The following NKAIN4 variants were observed in gnomAD, a reference collection of about 807,000 sequenced individuals.
NKAIN4 encodes sodium/potassium transporting ATPase interacting 4.
In NKAIN4, 28 loss-of-function variants were observed where a neutral mutation model predicts 28.8. That is an observed-to-expected ratio of 0.97 (90% CI 0.72 to 1.33). The LOEUF is 1.33. Ranked by LOEUF, NKAIN4 falls within the 40% of genes most tolerant of loss-of-function variation. The probability of loss-of-function intolerance (pLI) is 0.00; values close to 1 mark genes in which losing one functional copy is unlikely to be tolerated. For synonymous variants in NKAIN4, 122 were observed against 115.6 expected (o/e 1.06, Z -0.36); for missense variants, 289 against 277.2 (o/e 1.04, Z -0.30).
At chr20:63,253,619 A>T (rs2295539) in intron 1 of NKAIN4, 328,411 of 641,812 alleles carry the variant, frequency 0.51, 86,698 homozygotes, top group African/African-American at 0.7. Context: ...CAGCCTGGAC[A>T]GGCGAGGCCT....
Position 63,249,961 on chromosome 20 carries a change from G to A in NKAIN4, c.166C>T (p.Gln56Ter), listed in dbSNP as rs765242676. 4 of 1,613,540 alleles carry A rather than the reference G, an allele frequency of 2.5e-6. No homozygotes were observed. The highest frequency in any genetic ancestry group is 3.4e-6 in the Non-Finnish European group (4 of 1,179,912). ...IVILGLFGTI[Q>*]YRLRYVMVYT... ...ACCATGACATAGCGCAGCCGGTACT[G>A]GATGGTGCCGAAGAGTCCCAGGATG... is the stretch of plus-strand genomic sequence containing the variant. Residue 56 changes from glutamine (Q) to a stop codon, truncating the protein, a stop_gained, in exon 2 of 7, where the codon CAG becomes TAG. Coordinates refer to ENST00000370316, the MANE Select transcript of NKAIN4 (RefSeq NM_152864.4). LOFTEE classifies it high-confidence loss of function.
chr20:63,247,754 T>A lies in NKAIN4; in HGVS notation c.295A>T (p.Ser99Cys). The stretch of plus-strand genomic sequence containing the variant: ...CACCAGGAGCGATGCCGGGAGAGGC[T>A]GAAGGTCAGTAGCTCGCTGTCCTAG... The part of the protein sequence containing the change: ...LLKDSELLTF[S>C]LSRHRSWWRE... Residue 99 changes from serine (S) to cysteine (C), a missense_variant, in exon 4 of 7, where the codon AGC (serine) becomes TGC (cysteine). Transcript: ENST00000370316. 6.8e-7 allele frequency: 1 copy of A among 1,471,580 alleles called. No individual in the cohort carries two copies. The allele number at this position is 1,471,580 out of a possible 1,614,324, so 91.2% of individuals were successfully genotyped here.
At chr20:63,243,999 C>T in intron 5 of NKAIN4, 25 bp downstream of exon 5, 19 of 1,603,558 alleles carry the variant, frequency 1.2e-5, no homozygotes, top group Non-Finnish European at 1.6e-5. Context: ...TCCCGCCCCA[C>T]TGCCTGCAGA....
At chr20:63,254,330 G>A (rs1249023879) in intron 1 of NKAIN4, 67 bp downstream of exon 1, 3 of 1,280,224 alleles carry the variant, frequency 2.3e-6, no homozygotes, top group East Asian at 3.1e-5. Context: ...GACGCTTCGG[G>A]ACCCCACAGC....
Position 63,241,290 on chromosome 20 carries a change from T to C in NKAIN4, c.*207A>G, listed in dbSNP as rs549298225. On this transcript the variant is annotated 3_prime_UTR_variant, in exon 7 of 7. Transcript: ENST00000370316. ...TTTTTTTTTTTTAAGAGAAAGGAAA[T>C]TACAAACTCTCTTGACGCTGCAGCC... is the stretch of plus-strand genomic sequence containing the variant. The C allele has an allele frequency of 2.4e-4, 134 of 548,870 alleles. 1 individual carries two copies. The East Asian group carries it at 3.7e-3, about 15-fold the overall frequency. The allele number at this position is 548,870 out of a possible 1,614,324, so 34.0% of individuals were successfully genotyped here.
chr20:63,247,554 G>C (rs947782695), intron 4 of NKAIN4, 24 bp downstream of exon 4: 3 of 1,540,560 alleles, frequency 1.9e-6, no homozygotes, highest in Admixed American at 2.0e-5. Flanking sequence ...ATCCCCACCC[G>C]GGGGCCCCCT....
Position 63,242,398 on chromosome 20 carries a change from AGT to A in NKAIN4, c.617+139_617+140del, listed in dbSNP as rs1464624635. The A allele has an allele frequency of 8.2e-5, 58 of 709,666 alleles. No homozygotes were observed. In the Admixed American group the frequency reaches 1.1e-3, roughly 14 times the overall value. The allele number at this position is 709,666 out of a possible 1,614,324, so 44.0% of individuals were successfully genotyped here. ...CCTGGCATGAAGCAGATGTTAGAAA[AGT>A]GAGAGTGGATGGATGGACGGATGGA... On this transcript the variant is annotated intron_variant, in intron 6 of 6. Transcript: ENST00000370316.
intron 1 of NKAIN4, among the ~76,000 whole-genome samples, chr20:63,251,362 C>A (rs61518438): frequency 0.022 from 3,409 of 152,216 alleles, 69 homozygotes; most frequent in Middle Eastern, 0.051. Flanking sequence ...TGCGGGCGGG[C>A]CTGACTGATG....
chr20:63,246,080 A>G (rs2066851101), intron 4 of NKAIN4, among the ~76,000 whole-genome samples: 1 of 152,022 alleles, frequency 6.6e-6, no homozygotes, highest in African/African-American at 2.4e-5. Context: ...GGCGCCCGCC[A>G]CCACGCCCGG....
intron 4 of NKAIN4, 25 bp from the exon 5 acceptor site, chr20:63,244,109 G>T: frequency 6.2e-7 from 1 of 1,605,792 alleles, no homozygotes; most frequent in Non-Finnish European, 8.5e-7. Context: ...AGGCAGGGGC[G>T]TGAGTGCGGC....
At chr20:63,251,332 C>T (rs6062865) in intron 1 of NKAIN4, among the ~76,000 whole-genome samples, 45,055 of 152,046 alleles carry the variant, frequency 0.3, 7,694 homozygotes, top group East Asian at 0.54. Context: ...CACAGGGAGA[C>T]GGTTAGGCCT....
At position 63,245,386 on chromosome 20, in the gene NKAIN4, C is replaced by T. The variant is rs1216575893; in HGVS notation, c.472-1302G>A. ...CCCATCCCGGAGCTGGCCGTGGCGC[C>T]GAACAGGCAGCCGAGCTTGGGGAGC... On this transcript the variant is annotated intron_variant, in intron 4 of 6. Transcript: ENST00000370316. This position sits in a 1 kb window ranked among gnomAD's most constrained non-coding sequence, Gnocchi z 4.7. 6.6e-6 allele frequency among the ~76,000 whole-genome samples: 1 copy of T among 152,112 alleles called. No homozygotes were observed. The highest frequency in any genetic ancestry group is 1.5e-5 in the Non-Finnish European group (1 of 68,004).
chr20:63,253,449 TC>T, intron 1 of NKAIN4: 1 of 985,486 alleles, frequency 1.0e-6, no homozygotes. Flanking sequence ...TCCGAGGGTT[TC>T]GCTGCTCAAA....
intron 1 of NKAIN4, among the ~76,000 whole-genome samples, chr20:63,251,165 G>GGAGA (rs61072358): frequency 1.1e-4 from 16 of 151,196 alleles, no homozygotes; most frequent in African/African-American, 3.2e-4. Flanking sequence ...CAGAGAGAGA[G>GGAGA]GAGAGAGAGA....
chr20:63,243,251 C>T (rs890960463), intron 5 of NKAIN4, among the ~76,000 whole-genome samples: 3 of 152,116 alleles, frequency 2.0e-5, no homozygotes, highest in Non-Finnish European at 2.9e-5. Flanking sequence ...GGATGCTGGG[C>T]GCTGGGGACC....
chr20:63,247,931 G>A (rs943298010), intron 3 of NKAIN4, among the ~76,000 whole-genome samples, 156 bp from the exon 4 acceptor site: 3 of 152,164 alleles, frequency 2.0e-5, no homozygotes, highest in Non-Finnish European at 1.5e-5. Flanking sequence ...CAGGGCTCCA[G>A]CCATGGTGGG....
Position 63,252,302 on chromosome 20 carries a change from G to A in NKAIN4, c.54+2095C>T, listed in dbSNP as rs538394498. Reference sequence around the variant, plus strand: ...CCCTTCCTGGGCCTTTGGCTCCCAGGGTCTCCTCAATGCAGCAGGGCAGAG... The same window carrying A: ...CCCTTCCTGGGCCTTTGGCTCCCAGAGTCTCCTCAATGCAGCAGGGCAGAG... On this transcript the variant is annotated intron_variant, in intron 1 of 6. Transcript: ENST00000370316. The surrounding 1 kb of genome is among the most constrained non-coding windows in gnomAD (Gnocchi z 4.6). 1.3e-5 allele frequency among the ~76,000 whole-genome samples: 2 copies of A among 152,188 alleles called. No homozygotes were observed. The highest frequency in any genetic ancestry group is 1.3e-4 in the Admixed American group (2 of 15,304).
In NKAIN4 at chr20:63,245,526, C is replaced by T. The variant is rs2066840537; in HGVS notation, c.472-1442G>A. ...ACACCACCGCCTCCTGCCCATCCTC[C>T]TGGCTCCAGCCCCAGGTCCACCCCA... On this transcript the variant is annotated intron_variant, in intron 4 of 6. Transcript: ENST00000370316. The surrounding 1 kb of genome is among the most constrained non-coding windows in gnomAD (Gnocchi z 4.7). Among the ~76,000 whole-genome samples, 1 of 152,112 alleles carries T rather than the reference C, an allele frequency of 6.6e-6. No individual in the cohort carries two copies. The highest frequency in any genetic ancestry group is 2.4e-5 in the African/African-American group (1 of 41,408).
In NKAIN4 at chr20:63,248,401, A is replaced by G. The variant is rs548962540; in HGVS notation, c.273+414T>C. 4 of 172,680 alleles carry G rather than the reference A, an allele frequency of 2.3e-5. No homozygotes were observed. In the East Asian group the frequency reaches 5.8e-4, roughly 25 times the overall value. 10.7% of individuals were successfully genotyped at this position (172,680 alleles called of 1,614,324 possible). On this transcript the variant is annotated intron_variant, in intron 3 of 6. Transcript: ENST00000370316. ...TGGCCTTTTCCCACCCCCTCCCCCC[A>G]CGTTTCCCCTGGTTCCCTGCATTGC...
Sources: gnomAD v4.1 joint callset for allele counts (sites outside exome capture counted in the v4.1 genomes callset) on GRCh38, gnomAD v4.1.1 for gene constraint, Gnocchi (gnomAD v3.1) non-coding constraint, MANE v1.5 for transcripts, NCBI Gene and HGNC (gene_info 2026-07-23, HGNC 2026-07-21) for gene names.